Variants in DGKB observed in about 807,000 individuals in gnomAD.
DGKB encodes 90 kDa diacylglycerol kinase.
In DGKB, 67 loss-of-function variants were observed where a neutral mutation model predicts 114.3. That is an observed-to-expected ratio of 0.59 (90% CI 0.48 to 0.72). The LOEUF is 0.72. Ranked by LOEUF, DGKB falls within the 30% of genes least tolerant of loss-of-function variation. DGKB has a pLI of 0.00. For synonymous variants in DGKB, 398 were observed against 323.1 expected (o/e 1.23, Z -2.49); for missense variants, 907 against 975.2 (o/e 0.93, Z 0.93).
At chr7:14,368,330 C>G (rs1414733203) in intron 21 of DGKB, among the ~76,000 whole-genome samples, 2 of 152,130 alleles carry the variant, frequency 1.3e-5, no homozygotes, top group Non-Finnish European at 2.9e-5. Flanking sequence ...TATAGTATCA[C>G]ACAGAATAAT....
At chr7:14,421,250 G>C (rs866504216) in intron 21 of DGKB, among the ~76,000 whole-genome samples, 6 of 152,030 alleles carry the variant, frequency 3.9e-5, no homozygotes, top group Non-Finnish European at 8.8e-5. Context: ...GTTGCCTTTT[G>C]TGTCAATAAA....
At chr7:14,828,889 T>C (rs1737730263) in intron 2 of DGKB, among the ~76,000 whole-genome samples, 2 of 152,086 alleles carry the variant, frequency 1.3e-5, no homozygotes, top group Non-Finnish European at 2.9e-5. Flanking sequence ...GGGCAAACTG[T>C]GCTGAAGAGC....
intron 1 of DGKB, among the ~76,000 whole-genome samples, chr7:14,901,472 T>C (rs1412320433): frequency 6.6e-6 from 1 of 152,184 alleles, no homozygotes; most frequent in Non-Finnish European, 1.5e-5. Context: ...TCTTACATTC[T>C]CTTTTAGGTA....
intron 23 of DGKB, among the ~76,000 whole-genome samples, chr7:14,300,850 G>C (rs111519526): frequency 2.0e-5 from 3 of 152,014 alleles, no homozygotes; most frequent in African/African-American, 7.2e-5. Context: ...TTCAACTAGA[G>C]CAAATGGCTG....
At chr7:14,524,419 T>TAC (rs1470577161) in intron 20 of DGKB, among the ~76,000 whole-genome samples, 2 of 152,180 alleles carry the variant, frequency 1.3e-5, no homozygotes, top group Non-Finnish European at 2.9e-5. Context: ...AAACCCTGCT[T>TAC]ACACCTTGAG....
In DGKB at chr7:14,838,664, T is replaced by C. The variant is rs73280296; in HGVS notation, c.70+2530A>G. ...CTTTCATGATCTACGTTATGCAGTCTACACCAATACCCTACTAACTAGTCT... is the reference window on the plus strand; with the variant it reads ...CTTTCATGATCTACGTTATGCAGTCCACACCAATACCCTACTAACTAGTCT... On this transcript the variant is annotated intron_variant, in intron 2 of 25. Coordinates refer to ENST00000402815, the MANE Select transcript of DGKB (RefSeq NM_001350709.2). Among the ~76,000 whole-genome samples, 7 of 152,294 alleles carry C rather than the reference T, an allele frequency of 4.6e-5. No homozygotes were observed. The South Asian group carries it at 1.2e-3, about 27-fold the overall frequency.
At chr7:14,853,148 C>T (rs376899046) in intron 1 of DGKB, among the ~76,000 whole-genome samples, 4 of 152,072 alleles carry the variant, frequency 2.6e-5, no homozygotes, top group Non-Finnish European at 5.9e-5. Flanking sequence ...ACTATTGAAG[C>T]ACGCGAGGGA....
chr7:14,295,081 C>A (rs925740031), intron 23 of DGKB, among the ~76,000 whole-genome samples: 1 of 152,168 alleles, frequency 6.6e-6, no homozygotes, highest in Non-Finnish European at 1.5e-5. Context: ...ATGAAAGGCT[C>A]TTACTTCTCT....
chr7:14,885,457 C>T (rs1562811791), intron 1 of DGKB, among the ~76,000 whole-genome samples: 1 of 151,726 alleles, frequency 6.6e-6, no homozygotes, highest in East Asian at 1.9e-4. Context: ...AGAGCTGCTC[C>T]TGGAAAGATG....
chr7:14,226,339 G>A (rs139776408), intron 23 of DGKB, among the ~76,000 whole-genome samples: 107 of 151,916 alleles, frequency 7.0e-4, no homozygotes, highest in African/African-American at 2.2e-3. Flanking sequence ...TGGCATGTGC[G>A]TGCTAAGAGG....
intron 13 of DGKB, among the ~76,000 whole-genome samples, chr7:14,671,406 A>G (rs1365195770): frequency 1.3e-5 from 2 of 152,232 alleles, no homozygotes; most frequent in Non-Finnish European, 2.9e-5. Flanking sequence ...ATGCTGAGAT[A>G]TAAATTATTA....
chr7:14,517,244 G>A (rs1243763869), intron 20 of DGKB, among the ~76,000 whole-genome samples: 1 of 152,086 alleles, frequency 6.6e-6, no homozygotes, highest in African/African-American at 2.4e-5. Flanking sequence ...TGGAATAACT[G>A]ACTAGCCATA....
intron 1 of DGKB, among the ~76,000 whole-genome samples, chr7:14,935,767 T>A (rs1200436607): frequency 6.6e-6 from 1 of 152,112 alleles, no homozygotes; most frequent in African/African-American, 2.4e-5. Flanking sequence ...CTTTTCTCAC[T>A]CTGTCTTTCT....
chr7:14,946,920 A>G (rs1207905773), intron 1 of DGKB, among the ~76,000 whole-genome samples: 2 of 151,766 alleles, frequency 1.3e-5, no homozygotes, highest in African/African-American at 4.8e-5. Context: ...GATATAAATA[A>G]TTTTAAAACA....
At chr7:14,427,510 C>A (rs532154768) in intron 21 of DGKB, among the ~76,000 whole-genome samples, 1 of 152,254 alleles carries the variant, frequency 6.6e-6, no homozygotes, top group East Asian at 1.9e-4. Context: ...AGCAGTGACC[C>A]ACTCTACTGG....
chr7:14,959,556 T>G (rs1355708006), intron 1 of DGKB, among the ~76,000 whole-genome samples: 1 of 152,004 alleles, frequency 6.6e-6, no homozygotes, highest in Admixed American at 6.6e-5. Context: ...TGTAGCCTAG[T>G]AACCATGTTT....
intron 1 of DGKB, among the ~76,000 whole-genome samples, chr7:14,955,402 T>C (rs1356249529): frequency 6.6e-6 from 1 of 151,996 alleles, no homozygotes; most frequent in Non-Finnish European, 1.5e-5. Context: ...CGTATACACT[T>C]TTCCTAAGCT....
At chr7:14,571,663 TG>T (rs1477572127) in intron 20 of DGKB, among the ~76,000 whole-genome samples, 1 of 152,224 alleles carries the variant, frequency 6.6e-6, no homozygotes, top group Non-Finnish European at 1.5e-5. Flanking sequence ...TGAGAGGTTT[TG>T]TACATGAGCG....
intron 21 of DGKB, among the ~76,000 whole-genome samples, chr7:14,405,942 C>T (rs372095801): frequency 5.6e-4 from 85 of 152,008 alleles, no homozygotes; most frequent in African/African-American, 2.0e-3. Flanking sequence ...ACACAAGATT[C>T]GCAACAGCAG....
Sources: gnomAD v4.1 joint callset for allele counts (sites outside exome capture counted in the v4.1 genomes callset) on GRCh38, gnomAD v4.1.1 for gene constraint, MANE v1.5 for transcripts, NCBI Gene and HGNC (gene_info 2026-07-23, HGNC 2026-07-21) for gene names.